Variants in BUB1B observed in about 807,000 individuals in gnomAD.
BUB1B encodes the protein BUB1 mitotic checkpoint serine/threonine kinase B.
A neutral mutation model predicts 137.7 loss-of-function variants in BUB1B; 86 were observed. That is an observed-to-expected ratio of 0.62 (90% CI 0.52 to 0.75). The LOEUF (loss-of-function observed/expected upper bound fraction) is 0.75, where lower values mean the gene tolerates loss of function less well. Among genes scored for constraint, BUB1B ranks in the 30% least tolerant of loss-of-function variants. The pLI is 0.00. For missense variants in BUB1B, 1,130 were observed against 1,236.9 expected (o/e 0.91, Z 1.30); for synonymous variants, 420 against 417.9 (o/e 1.00, Z -0.06).
chr15:40,169,511 A>C (rs1486637691), intron 2 of BUB1B, among the ~76,000 whole-genome samples: 2 of 151,652 alleles, frequency 1.3e-5, no homozygotes, highest in Admixed American at 6.6e-5. Context: ...TGTAGTATTA[A>C]TACTACTTTT....
At position 40,200,389 on chromosome 15, in the gene BUB1B, C is replaced by T. The variant is rs747241964; in HGVS notation, c.1517+30C>T. On this transcript the variant is annotated intron_variant, in intron 11 of 22. Transcript: ENST00000287598. ...GACTACATAGGTGGAAGGGACAATG[C>T]ATATAGGAGGGCATTTAGAACCAAC... 6 of 1,556,374 alleles carry T rather than the reference C, an allele frequency of 3.9e-6. No homozygotes were observed. In the African/African-American group the frequency reaches 8.2e-5, roughly 21 times the overall value.
At chr15:40,169,273 G>C (rs2037134384) in intron 2 of BUB1B, among the ~76,000 whole-genome samples, 1 of 151,966 alleles carries the variant, frequency 6.6e-6, no homozygotes, top group Non-Finnish European at 1.5e-5. Context: ...GTTACCCATG[G>C]AAGTTTTTTT....
intron 19 of BUB1B, 29 bp downstream of exon 19, chr15:40,212,677 G>A (rs1236996855): frequency 1.9e-6 from 3 of 1,601,836 alleles, no homozygotes; most frequent in Non-Finnish European, 2.6e-6. Context: ...ATAATTTAAA[G>A]TCCTGAAGTA....
At chr15:40,219,673 T>C (rs1327960996) in intron 22 of BUB1B, among the ~76,000 whole-genome samples, 9 of 152,088 alleles carry the variant, frequency 5.9e-5, no homozygotes, top group Non-Finnish European at 8.8e-5. Context: ...TGAGCTGAGA[T>C]CGCGCCACTG....
chr15:40,193,439 C>CT lies in BUB1B; in HGVS notation c.1059-3093dup, dbSNP rs71132152. On this transcript the variant is annotated intron_variant, in intron 8 of 22. Coordinates refer to ENST00000287598, the MANE Select transcript of BUB1B (RefSeq NM_001211.6). ...CATCTTTTCATATGCTTACTATCAT[C>CT]TTTTTTTTTTTTTATATGCTTATTA... Among the ~76,000 whole-genome samples the CT allele has an allele frequency of 2.0e-3, 229 of 112,662 alleles. 1 individual carries two copies. Among genetic ancestry groups the CT allele is most frequent in the African/African-American group, 7.2e-3 (188 of 26,152 alleles). The allele number at this position is 112,662 out of a possible 152,430, so 73.9% of individuals were successfully genotyped here.
rs954170606 is a variant in BUB1B at position 40,170,495 on chromosome 15, G to T, written c.240-42G>T. ...TCTTGGAGCAAGAACAAAAGTACAT[G>T]TTCAATTTAAAATGTGTTCTTATCT... On this transcript the variant is annotated intron_variant, in intron 3 of 22. Coordinates refer to ENST00000287598, the MANE Select transcript of BUB1B (RefSeq NM_001211.6). 5.0e-6 allele frequency: 8 copies of T among 1,606,764 alleles called. No homozygotes were observed. The African/African-American group carries it at 1.1e-4, about 21-fold the overall frequency.
intron 14 of BUB1B, 55 bp from the exon 15 acceptor site, chr15:40,206,129 A>T: frequency 6.3e-7 from 1 of 1,585,296 alleles, no homozygotes; most frequent in South Asian, 1.1e-5. Context: ...CTCAGTAAAA[A>T]AGTTCTTCAT....
In BUB1B at chr15:40,206,467, G is replaced by C; in HGVS notation, c.2009+9G>C. The C allele has an allele frequency of 6.2e-7, 1 of 1,613,998 alleles. No homozygotes were observed. The highest frequency in any genetic ancestry group is 8.5e-7 in the Non-Finnish European group (1 of 1,180,000). ...AGCATCAAGAAGCTGAGGTGATTGGGGATTTACAGGTTTTACAAACCAGAT... is the reference window on the plus strand; with the variant it reads ...AGCATCAAGAAGCTGAGGTGATTGGCGATTTACAGGTTTTACAAACCAGAT... On this transcript the variant is annotated intron_variant, in intron 15 of 22. Coordinates refer to ENST00000287598, the MANE Select transcript of BUB1B (RefSeq NM_001211.6).
chr15:40,165,189 C>A lies in BUB1B; in HGVS notation c.172C>A (p.Gln58Lys), dbSNP rs1308870659. The change falls in exon 2 of 23, where the codon CAG becomes AAG. Residue 58 changes from glutamine to lysine, a missense_variant. Gln to Lys is a moderately conservative substitution (Grantham distance 53, BLOSUM62 1). Coordinates refer to ENST00000287598, the MANE Select transcript of BUB1B (RefSeq NM_001211.6). ...TGCCTGTAACAATACTCTTCAGCAG[C>A]AGAAACGGTGTGTAGAATGGCTGAG... ...ESACNNTLQQ[Q>K]KRAFEYEIRF... is the part of the protein sequence containing the mutation. 6.2e-7 allele frequency: 1 copy of A among 1,614,196 alleles called. No individual in the cohort carries two copies. Among genetic ancestry groups the A allele is most frequent in the Non-Finnish European group, 8.5e-7 (1 of 1,180,038 alleles).
intron 6 of BUB1B, among the ~76,000 whole-genome samples, chr15:40,184,281 A>T (rs2037332939): frequency 6.6e-6 from 1 of 152,030 alleles, no homozygotes; most frequent in African/African-American, 2.4e-5. Flanking sequence ...ATACCCAAAG[A>T]TCAGCAATAA....
rs762382983 is a variant in BUB1B, at chr15:40,212,667, ATAATT to A, written c.2535+23_2535+27del. On this transcript the variant is annotated intron_variant, in intron 19 of 22. Coordinates refer to ENST00000287598, the MANE Select transcript of BUB1B (RefSeq NM_001211.6). ...CCTTCAGGTCTGTAATACTAAAAAC[ATAATT>A]TAAAGTCCTGAAGTAGAGAGATTTG... is the stretch of plus-strand genomic sequence containing the variant. 2.5e-6 allele frequency: 4 copies of A among 1,608,858 alleles called. No individual in the cohort carries two copies. Among genetic ancestry groups the A allele is most frequent in the Non-Finnish European group, 3.4e-6 (4 of 1,177,032 alleles).
At chr15:40,200,542 T>C (rs2037554842) in intron 11 of BUB1B, among the ~76,000 whole-genome samples, 183 bp downstream of exon 11, 1 of 152,194 alleles carries the variant, frequency 6.6e-6, no homozygotes, top group Non-Finnish European at 1.5e-5. Context: ...TATTTTCCAC[T>C]GAAGAAACAT....
intron 15 of BUB1B, among the ~76,000 whole-genome samples, chr15:40,207,659 C>T (rs1300164510): frequency 3.9e-5 from 6 of 151,912 alleles, no homozygotes; most frequent in Admixed American, 3.9e-4. Flanking sequence ...AGCATAAATC[C>T]AGAAATGTAT....
At chr15:40,203,040 C>T (rs949877851) in intron 14 of BUB1B, among the ~76,000 whole-genome samples, 3 of 152,190 alleles carry the variant, frequency 2.0e-5, no homozygotes, top group Admixed American at 2.0e-4. Flanking sequence ...TATGATCCTG[C>T]AGATCTCTGC....
chr15:40,196,566 T>C lies in BUB1B; in HGVS notation c.1080T>C (p.Pro360=). Residue 360 remains proline (P), a synonymous_variant, in exon 9 of 23, where the codon CCT becomes CCC. Transcript: ENST00000287598. ...TTAGGACACCATGTAAAATTGAACC[T>C]AGTATAAACCACATCCTAAGCACCA... ...QPVMTPCKIE[P]SINHILSTRK... 1 of 1,613,834 alleles carries C rather than the reference T, an allele frequency of 6.2e-7. No individual in the cohort carries two copies. Among genetic ancestry groups the C allele is most frequent in the Non-Finnish European group, 8.5e-7 (1 of 1,179,822 alleles).
chr15:40,201,608 G>C (rs2037569722), intron 12 of BUB1B, among the ~76,000 whole-genome samples: 1 of 152,186 alleles, frequency 6.6e-6, no homozygotes, highest in Non-Finnish European at 1.5e-5. Context: ...AACAGTCACA[G>C]TATACGGATC....
At position 40,217,842 on chromosome 15, in the gene BUB1B, A is replaced by C. The variant is rs534754015; in HGVS notation, c.2850+175A>C. Among the ~76,000 whole-genome samples, 3 of 152,362 alleles carry C rather than the reference A, an allele frequency of 2.0e-5. No individual in the cohort carries two copies. The South Asian group carries it at 6.2e-4, about 32-fold the overall frequency. On this transcript the variant is annotated intron_variant, in intron 21 of 22. Transcript: ENST00000287598. ...CATTTTTGTGTTACAGCATTGAAGAATATACACATACATGTGCAAACACAT... is the reference window on the plus strand; with the variant it reads ...CATTTTTGTGTTACAGCATTGAAGACTATACACATACATGTGCAAACACAT...
chr15:40,170,383 G>T (rs535738783), intron 3 of BUB1B, among the ~76,000 whole-genome samples, 154 bp from the exon 4 acceptor site: 60 of 152,324 alleles, frequency 3.9e-4, no homozygotes, highest in African/African-American at 1.4e-3. Context: ...GAGATACTTT[G>T]GAGAAGTTTG....
chr15:40,206,321 G>C lies in BUB1B; in HGVS notation c.1872G>C (p.Glu624Asp). The C allele has an allele frequency of 6.2e-7, 1 of 1,614,166 alleles. No individual in the cohort carries two copies. Among genetic ancestry groups the C allele is most frequent in the Non-Finnish European group, 8.5e-7 (1 of 1,180,032 alleles). The stretch of plus-strand genomic sequence containing the variant: ...GTTTTGTATCCACTCCTTTTCATGA[G>C]ATAATGTCCTTGAAGGATCTCCCTT... ...AARFVSTPFH[E>D]IMSLKDLPSD... Residue 624 changes from glutamate to aspartate, a missense_variant, in exon 15 of 23, where the codon GAG becomes GAC. By Grantham distance (45) the Glu-to-Asp change is conservative. Transcript: ENST00000287598.
Sources: allele counts gnomAD v4.1 joint callset (sites outside exome capture counted in the v4.1 genomes callset), GRCh38; gene constraint gnomAD v4.1.1; transcripts MANE v1.5; gene names NCBI Gene and HGNC (gene_info 2026-07-23, HGNC 2026-07-21).